The following SCML2 variants were observed in gnomAD, a reference collection of about 807,000 sequenced individuals.
SCML2 encodes the protein Scm polycomb group protein like 2, also known as sex comb on midleg-like protein 2.
SCML2 carries 6 observed loss-of-function variants against 48.4 expected under a neutral mutation model. The observed-to-expected ratio is 0.12, with a 90% CI of 0.07 to 0.24. SCML2 has a LOEUF of 0.24. SCML2 is among the 10% of genes least tolerant of loss of function. The pLI is 1.00. For synonymous variants in SCML2, 181 were observed against 189.5 expected (o/e 0.95, Z 0.37); for missense variants, 377 against 528.2 (o/e 0.71, Z 2.81).
intron 6 of SCML2, among the ~76,000 whole-genome samples, chrX:18,313,369 G>A (rs1220928400): frequency 9.0e-6 from 1 of 110,733 alleles, no homozygotes; most frequent in African/African-American, 3.3e-5. Flanking sequence ...AGTTTATCAG[G>A]GGTTTCCACT....
chrX:18,247,992 C>T (rs1433516183), intron 11 of SCML2, 110 bp from the exon 12 acceptor site: 4 of 471,589 alleles, frequency 8.5e-6, no homozygotes, highest in Non-Finnish European at 1.5e-5. Flanking sequence ...CCTACAATAC[C>T]TTCATTGAGA....
intron 11 of SCML2, among the ~76,000 whole-genome samples, chrX:18,252,935 G>A (rs1248653178): frequency 1.8e-5 from 2 of 112,016 alleles, no homozygotes; most frequent in Non-Finnish European, 3.8e-5. Context: ...TAAAAGGCAC[G>A]CTGAAATCTC....
intron 7 of SCML2, among the ~76,000 whole-genome samples, chrX:18,299,517 CAA>C (rs750111438): frequency 3.3e-5 from 3 of 89,624 alleles, no homozygotes; most frequent in Admixed American, 1.2e-4. Context: ...GACTCCGTCT[CAA>C]AAAAAAAAAA....
At chrX:18,304,525 A>C (rs890228848) in intron 7 of SCML2, among the ~76,000 whole-genome samples, 1 of 112,345 alleles carries the variant, frequency 8.9e-6, no homozygotes, top group South Asian at 3.7e-4. Context: ...TCAAAGTGTC[A>C]ATTTAACTTA....
intron 6 of SCML2, among the ~76,000 whole-genome samples, chrX:18,307,839 T>G (rs1263055981): frequency 9.1e-6 from 1 of 110,121 alleles, no homozygotes; most frequent in African/African-American, 3.3e-5. Context: ...CTCACACCTG[T>G]AATCCCAGAA....
Position 18,242,377 on chromosome X carries a change from G to A in SCML2, c.1974+62C>T, listed in dbSNP as rs1219803728. 6.4e-6 allele frequency: 7 copies of A among 1,088,443 alleles called. No individual in the cohort carries two copies. The East Asian group carries it at 1.9e-4, about 30-fold the overall frequency. 89.7% of individuals were successfully genotyped at this position (1,088,443 alleles called of 1,213,427 possible). On this transcript the variant is annotated intron_variant, in intron 14 of 14. Coordinates refer to ENST00000251900, the MANE Select transcript of SCML2 (RefSeq NM_006089.3). The stretch of plus-strand genomic sequence containing the variant: ...CCATCCACACAGCATCCAAATGAAG[G>A]GCCTGCACAGAGGTCATTCAAAGGC...
intron 7 of SCML2, among the ~76,000 whole-genome samples, chrX:18,271,539 G>T (rs1927459114): frequency 1.8e-5 from 2 of 108,413 alleles, no homozygotes; most frequent in Admixed American, 2.0e-4. Flanking sequence ...TCTCTGACAG[G>T]GACTCTTGTT....
chrX:18,303,109 C>T (rs946044006), intron 7 of SCML2, among the ~76,000 whole-genome samples: 5 of 110,860 alleles, frequency 4.5e-5, no homozygotes, highest in African/African-American at 6.6e-5. Flanking sequence ...AAACCACATT[C>T]GTAACAGCAG....
chrX:18,248,022 T>C (rs1926513745), intron 11 of SCML2, 140 bp from the exon 12 acceptor site: 1 of 437,982 alleles, frequency 2.3e-6, no homozygotes, highest in Non-Finnish European at 4.0e-6. Context: ...TTATTTGATG[T>C]TCATGAATAA....
chrX:18,290,528 A>G (rs759260382), intron 7 of SCML2, among the ~76,000 whole-genome samples: 1 of 111,432 alleles, frequency 9.0e-6, no homozygotes, highest in Non-Finnish European at 1.9e-5. Context: ...ACTTCAGACC[A>G]GTGTAGGTCA....
intron 1 of SCML2, among the ~76,000 whole-genome samples, chrX:18,346,610 G>A (rs1333010505): frequency 3.6e-5 from 4 of 112,290 alleles, no homozygotes; most frequent in Admixed American, 2.8e-4. Flanking sequence ...AGCACAGGTA[G>A]AAAGGGTTCT....
chrX:18,279,049 A>G (rs1927738604), intron 7 of SCML2, among the ~76,000 whole-genome samples: 1 of 112,535 alleles, frequency 8.9e-6, no homozygotes, highest in South Asian at 3.6e-4. Context: ...AAAACCTAAC[A>G]AAAGAATCAC....
chrX:18,336,694 G>A (rs1420631932), intron 1 of SCML2, among the ~76,000 whole-genome samples: 10 of 110,361 alleles, frequency 9.1e-5, no homozygotes, highest in African/African-American at 2.6e-4. Context: ...CCAAGATCAC[G>A]CCACTGCACT....
At chrX:18,300,216 A>G (rs1173123592) in intron 7 of SCML2, among the ~76,000 whole-genome samples, 2 of 109,501 alleles carry the variant, frequency 1.8e-5, no homozygotes, top group African/African-American at 6.7e-5. Flanking sequence ...CCTGGGTAAC[A>G]TGGTGAAACC....
intron 6 of SCML2, among the ~76,000 whole-genome samples, chrX:18,316,186 C>T (rs184227645): frequency 2.7e-5 from 3 of 112,157 alleles, no homozygotes; most frequent in East Asian, 2.8e-4. Flanking sequence ...GTCAGGAATT[C>T]GAGACCAGCC....
intron 7 of SCML2, among the ~76,000 whole-genome samples, 165 bp downstream of exon 7, chrX:18,304,807 C>T (rs779039453): frequency 8.1e-5 from 9 of 111,687 alleles, no homozygotes; most frequent in Non-Finnish European, 1.3e-4. Flanking sequence ...CTAATCATAG[C>T]TTTCCTTTAC....
chrX:18,287,519 G>A (rs978561163), intron 7 of SCML2, among the ~76,000 whole-genome samples: 2 of 111,337 alleles, frequency 1.8e-5, no homozygotes, highest in Non-Finnish European at 3.8e-5. Context: ...ATGTTACTGG[G>A]AAAAATTTCC....
intron 7 of SCML2, among the ~76,000 whole-genome samples, chrX:18,269,663 C>A (rs1927381901): frequency 1.8e-5 from 2 of 111,629 alleles, no homozygotes. Context: ...AATTGAGCTC[C>A]AGATCTGGGT....
At chrX:18,299,342 T>G (rs1928501499) in intron 7 of SCML2, among the ~76,000 whole-genome samples, 1 of 108,779 alleles carries the variant, frequency 9.2e-6, no homozygotes, top group Non-Finnish European at 1.9e-5. Flanking sequence ...TGAAATCCCA[T>G]CTCTACTAAA....
Sources: allele counts gnomAD v4.1 joint callset (sites outside exome capture counted in the v4.1 genomes callset), GRCh38; gene constraint gnomAD v4.1.1; transcripts MANE v1.5; gene names NCBI Gene and HGNC (gene_info 2026-07-23, HGNC 2026-07-21).